The following EYA2 variants were observed in gnomAD, a reference collection of about 807,000 sequenced individuals.
The protein encoded by EYA2 is EYA transcriptional coactivator and phosphatase 2.
EYA2 carries 31 observed loss-of-function variants against 69.2 expected under a neutral mutation model. The ratio of observed to expected loss-of-function variants is 0.45; its 90% CI spans 0.34 to 0.60. The LOEUF is 0.60. Ranked by LOEUF, EYA2 falls within the 20% of genes least tolerant of loss-of-function variation. The pLI is 0.02. For synonymous variants in EYA2, 257 were observed against 279.4 expected, an observed-to-expected ratio of 0.92 and a Z score of 0.80; for missense variants, 622 against 701.2, an observed-to-expected ratio of 0.89 and a Z score of 1.28.
At chr20:46,985,327 G>A (rs1227351271) in intron 1 of EYA2, among the ~76,000 whole-genome samples, 1 of 152,144 alleles carries the variant, frequency 6.6e-6, no homozygotes, top group Non-Finnish European at 1.5e-5. Flanking sequence ...TTCCCCATTG[G>A]CTTGGCCTTC....
At chr20:46,977,406 C>T (rs1232131704) in intron 1 of EYA2, among the ~76,000 whole-genome samples, 2 of 152,170 alleles carry the variant, frequency 1.3e-5, no homozygotes, top group African/African-American at 4.8e-5. Context: ...TTGAGGAATT[C>T]CTACTAAGTC....
At chr20:47,184,648 C>T (rs116111021) in intron 15 of EYA2, among the ~76,000 whole-genome samples, 1 of 151,726 alleles carries the variant, frequency 6.6e-6, no homozygotes, top group Non-Finnish European at 1.5e-5. Context: ...GCCTCAAACT[C>T]GTAAACTCAA....
intron 1 of EYA2, chr20:46,979,464 A>G (rs975082790): frequency 6.6e-6 from 1 of 152,188 alleles, no homozygotes; most frequent in Non-Finnish European, 1.5e-5. Context: ...TGCAACAAAG[A>G]AAGAATTTTT....
chr20:46,939,085 G>C (rs998599970), intron 1 of EYA2, among the ~76,000 whole-genome samples: 1 of 152,150 alleles, frequency 6.6e-6, no homozygotes, highest in Non-Finnish European at 1.5e-5. Flanking sequence ...AGTCCACCTA[G>C]TTCAGGAGGG....
chr20:47,176,376 G>A (rs1331617937), intron 12 of EYA2, among the ~76,000 whole-genome samples: 3 of 141,676 alleles, frequency 2.1e-5, no homozygotes, highest in Admixed American at 6.9e-5. Context: ...CACCATGCCC[G>A]GCTTTAAATT....
At chr20:46,905,878 G>A (rs1984326661) in intron 1 of EYA2, among the ~76,000 whole-genome samples, 1 of 152,158 alleles carries the variant, frequency 6.6e-6, no homozygotes, top group Non-Finnish European at 1.5e-5. Context: ...CCCATTCCCA[G>A]GAGTACTCAA....
intron 5 of EYA2, among the ~76,000 whole-genome samples, chr20:47,053,781 A>T (rs894661302): frequency 1.3e-5 from 2 of 151,566 alleles, no homozygotes; most frequent in African/African-American, 4.8e-5. Context: ...GCTTACAGGC[A>T]GTCTCAAGGG....
intron 10 of EYA2, among the ~76,000 whole-genome samples, chr20:47,154,883 T>C (rs1445543571): frequency 1.3e-5 from 2 of 150,738 alleles, no homozygotes; most frequent in Admixed American, 1.3e-4. Flanking sequence ...CCTCGCTCTG[T>C]CTCTCAGGCT....
chr20:47,017,201 G>A (rs562137194), intron 5 of EYA2, among the ~76,000 whole-genome samples: 5 of 152,294 alleles, frequency 3.3e-5, no homozygotes, highest in Admixed American at 6.5e-5. Context: ...GCAGGGGGCT[G>A]GTGGCTGTAA....
At chr20:47,058,162 G>A (rs2030722700) in intron 5 of EYA2, among the ~76,000 whole-genome samples, 1 of 152,194 alleles carries the variant, frequency 6.6e-6, no homozygotes, top group African/African-American at 2.4e-5. Context: ...CTTAAAAAGA[G>A]GAGGAAATCC....
chr20:47,050,514 G>T (rs1474874543), intron 5 of EYA2, among the ~76,000 whole-genome samples: 1 of 152,220 alleles, frequency 6.6e-6, no homozygotes, highest in African/African-American at 2.4e-5. Context: ...AAGATTGGAA[G>T]AGATGATCAG....
chr20:47,084,882 C>G (rs946202107), intron 7 of EYA2, among the ~76,000 whole-genome samples: 1 of 145,152 alleles, frequency 6.9e-6, no homozygotes, highest in African/African-American at 2.6e-5. Flanking sequence ...GTTACCCAGG[C>G]TGGAGTGCAG....
chr20:47,163,086 G>C (rs1282119749), intron 10 of EYA2, among the ~76,000 whole-genome samples: 1 of 150,996 alleles, frequency 6.6e-6, no homozygotes, highest in Non-Finnish European at 1.5e-5. Context: ...CTGGAGTGCA[G>C]TGGCGCCATC....
At chr20:47,080,494 G>GGGAAA in intron 7 of EYA2, among the ~76,000 whole-genome samples, 1 of 120,934 alleles carries the variant, frequency 8.3e-6, no homozygotes, top group African/African-American at 3.2e-5. Flanking sequence ...GAGGGAGGGA[G>GGGAAA]TAAAGGGGAG....
chr20:47,041,768 A>T (rs1985084578), intron 5 of EYA2, among the ~76,000 whole-genome samples: 1 of 152,136 alleles, frequency 6.6e-6, no homozygotes, highest in Non-Finnish European at 1.5e-5. Flanking sequence ...AGTCTAGTAA[A>T]TGTTTCCTGT....
chr20:46,978,487 T>A, intron 1 of EYA2: 1 of 492,982 alleles, frequency 2.0e-6, no homozygotes, highest in Non-Finnish European at 4.2e-6. Flanking sequence ...ACAAAGGCCC[T>A]GTGGCAAGAG....
At chr20:46,915,342 G>T (rs1017252858) in intron 1 of EYA2, among the ~76,000 whole-genome samples, 5 of 152,222 alleles carry the variant, frequency 3.3e-5, no homozygotes, top group Admixed American at 3.3e-4. Flanking sequence ...TTTTGAAACG[G>T]TGTCAAATTA....
intron 2 of EYA2, 124 bp downstream of exon 2, chr20:46,990,243 C>A: frequency 1.9e-6 from 1 of 528,208 alleles, no homozygotes; most frequent in Non-Finnish European, 3.5e-6. Context: ...TCTCCCCCTG[C>A]CATTTAAATG....
In EYA2 at chr20:47,005,102, C is replaced by A. The variant is rs757166317; in HGVS notation, c.298+18C>A. On this transcript the variant is annotated intron_variant, in intron 4 of 15. Coordinates refer to ENST00000327619, the MANE Select transcript of EYA2 (RefSeq NM_005244.5). ...TTCCTACAGTGAGTAGTAAACAAGT[C>A]CTTACTCTCCTCCTCAGGTCCCCAA... 5.6e-6 allele frequency: 9 copies of A among 1,610,616 alleles called. No individual in the cohort carries two copies. The African/African-American group carries it at 1.2e-4, about 22-fold the overall frequency.
Sources: gnomAD v4.1 joint callset for allele counts (sites outside exome capture counted in the v4.1 genomes callset) on GRCh38, gnomAD v4.1.1 for gene constraint, MANE v1.5 for transcripts, NCBI Gene and HGNC (gene_info 2026-07-23, HGNC 2026-07-21) for gene names.